The following TMPRSS15 variants were observed in gnomAD, a reference collection of about 807,000 sequenced individuals.
The protein encoded by TMPRSS15 is transmembrane serine protease 15.
TMPRSS15 carries 128 observed loss-of-function variants against 125.3 expected under a neutral mutation model. The observed-to-expected ratio is 1.02, with a 90% CI of 0.89 to 1.18. TMPRSS15 has a LOEUF of 1.18. Among genes scored for constraint, TMPRSS15 ranks in the 50% most tolerant of loss-of-function variants. The pLI is 0.00. For synonymous variants in TMPRSS15, 446 were observed against 423.2 expected (o/e 1.05, Z -0.66); for missense variants, 1,283 against 1,212.7 (o/e 1.06, Z -0.86).
Position 18,383,669 on chromosome 21 carries a change from G to C in TMPRSS15, c.454C>G (p.Leu152Val). 6.2e-7 allele frequency: 1 copy of C among 1,613,974 alleles called. No individual in the cohort carries two copies. Among genetic ancestry groups the C allele is most frequent in the Non-Finnish European group, 8.5e-7 (1 of 1,179,948 alleles). ...TTCAAATCAATATGGAAAGTGACCAGTTGGCTGGATTTATTTGCTTCAAGG... is the reference window on the plus strand; with the variant it reads ...TTCAAATCAATATGGAAAGTGACCACTTGGCTGGATTTATTTGCTTCAAGG... ...QGLEANKSSQ[L>V]VTFHIDLNSV... Residue 152 changes from leucine (L) to valine (V), a missense_variant, in exon 4 of 25, where the codon CTG becomes GTG. Transcript: ENST00000284885.
intron 1 of TMPRSS15, among the ~76,000 whole-genome samples, chr21:18,471,027 G>C (rs1324241055): frequency 1.3e-5 from 2 of 151,850 alleles, no homozygotes. Context: ...ACCCATGATA[G>C]TTGATATATG....
At chr21:18,330,133 C>G (rs1237767784) in intron 14 of TMPRSS15, among the ~76,000 whole-genome samples, 1 of 152,272 alleles carries the variant, frequency 6.6e-6, no homozygotes, top group East Asian at 1.9e-4. Context: ...GAAACCTCAG[C>G]ACCTTCCTTG....
rs201980318 is a variant in TMPRSS15, at chr21:18,323,594, TTG to T, written c.1921+2836_1921+2837del. Among the ~76,000 whole-genome samples, 993 of 152,280 alleles carry T rather than the reference TTG, an allele frequency of 6.5e-3. 17 individuals are homozygous for T. The highest frequency in any genetic ancestry group is 0.022 in the African/African-American group (922 of 41,572). On this transcript the variant is annotated intron_variant, in intron 16 of 24. Transcript: ENST00000284885. Reference sequence around the variant, plus strand: ...ACCAAATCACCTATAATTATTTCAATTGTTTGGATACCTCAATAAATCTAATC... The same window carrying T: ...ACCAAATCACCTATAATTATTTCAATTTTGGATACCTCAATAAATCTAATC...
intron 18 of TMPRSS15, among the ~76,000 whole-genome samples, chr21:18,298,274 T>C (rs2074929305): frequency 6.6e-6 from 1 of 152,246 alleles, no homozygotes; most frequent in Non-Finnish European, 1.5e-5. Flanking sequence ...GGCTCATCTT[T>C]TTAAAAGTGC....
At chr21:18,367,575 A>G (rs1156986353) in intron 6 of TMPRSS15, among the ~76,000 whole-genome samples, 1 of 152,186 alleles carries the variant, frequency 6.6e-6, no homozygotes, top group Non-Finnish European at 1.5e-5. Flanking sequence ...CATGGACTCA[A>G]AGATTGTAGA....
At chr21:18,380,709 T>C (rs2075885413) in intron 4 of TMPRSS15, 8 of 366,010 alleles carry the variant, frequency 2.2e-5, no homozygotes, top group South Asian at 1.3e-4. Context: ...TTTTATCCTC[T>C]GCCATGCTAA....
At chr21:18,351,593 T>A (rs2075570051) in intron 10 of TMPRSS15, among the ~76,000 whole-genome samples, 1 of 152,188 alleles carries the variant, frequency 6.6e-6, no homozygotes, top group Admixed American at 6.5e-5. Context: ...ACGTAAGACG[T>A]GTCTGCTTTG....
chr21:18,304,940 A>T (rs2075014164), intron 18 of TMPRSS15, among the ~76,000 whole-genome samples: 1 of 152,188 alleles, frequency 6.6e-6, no homozygotes, highest in South Asian at 2.1e-4. Context: ...CATATTAAAA[A>T]GTGTAAGCCG....
intron 18 of TMPRSS15, among the ~76,000 whole-genome samples, chr21:18,304,232 C>T (rs2075005568): frequency 6.6e-6 from 1 of 152,084 alleles, no homozygotes; most frequent in Admixed American, 6.6e-5. Context: ...GGTGTTTAAA[C>T]CTGGTACGGT....
At chr21:18,282,237 T>C (rs1286461290) in intron 21 of TMPRSS15, among the ~76,000 whole-genome samples, 3 of 152,034 alleles carry the variant, frequency 2.0e-5, no homozygotes, top group Non-Finnish European at 4.4e-5. Context: ...ACTTGTGTTG[T>C]AGAACAGATT....
intron 16 of TMPRSS15, among the ~76,000 whole-genome samples, chr21:18,321,824 G>T (rs1206350654): frequency 6.6e-6 from 1 of 152,112 alleles, no homozygotes; most frequent in Non-Finnish European, 1.5e-5. Flanking sequence ...CTCGACGGAA[G>T]CAGACGGTGC....
intron 1 of TMPRSS15, among the ~76,000 whole-genome samples, chr21:18,458,225 A>C (rs1978480015): frequency 6.6e-6 from 1 of 152,172 alleles, no homozygotes; most frequent in Non-Finnish European, 1.5e-5. Context: ...TTGTGCATGA[A>C]TGAAAAAAAT....
intron 18 of TMPRSS15, among the ~76,000 whole-genome samples, chr21:18,298,417 T>G (rs1177235691): frequency 1.3e-5 from 2 of 152,218 alleles, no homozygotes; most frequent in East Asian, 1.9e-4. Flanking sequence ...GGAGAGACTA[T>G]GCAGCTTTGG....
rs191303959 is a variant in TMPRSS15 at position 18,471,128 on chromosome 21, A to T, written c.10+14671T>A. ...GGACTCATTTTTTCTTGCCAAAGGCAGAAATTTGGGGTTTCAACAGAACTG... is the reference window on the plus strand; with the variant it reads ...GGACTCATTTTTTCTTGCCAAAGGCTGAAATTTGGGGTTTCAACAGAACTG... On this transcript the variant is annotated intron_variant, in intron 1 of 7. Transcript: ENST00000422787. Among the ~76,000 whole-genome samples the T allele has an allele frequency of 8.3e-4, 127 of 152,208 alleles. 1 individual carries two copies. The highest frequency in any genetic ancestry group is 3.1e-3 in the Admixed American group (47 of 15,244).
chr21:18,337,467 G>A lies in TMPRSS15; in HGVS notation c.1564+3946C>T, dbSNP rs113864297. ...TGTTTTAAATTGGCTTGATCATCAC[G>A]TAATGGAATGTTTATTCTCTTAAAG... On this transcript the variant is annotated intron_variant, in intron 13 of 24. Coordinates refer to ENST00000284885, the MANE Select transcript of TMPRSS15 (RefSeq NM_002772.3). Among the ~76,000 whole-genome samples the A allele has an allele frequency of 2.0e-5, 3 of 152,150 alleles. No homozygotes were observed. In the South Asian group the frequency reaches 6.2e-4, roughly 32 times the overall value.
intron 18 of TMPRSS15, among the ~76,000 whole-genome samples, chr21:18,301,662 A>G (rs1402148066): frequency 6.6e-6 from 1 of 152,178 alleles, no homozygotes; most frequent in East Asian, 1.9e-4. Flanking sequence ...AATGTTCCAT[A>G]TTTGCAGATT....
chr21:18,386,340 C>G (rs1318227241), intron 3 of TMPRSS15, among the ~76,000 whole-genome samples: 2 of 152,118 alleles, frequency 1.3e-5, no homozygotes, highest in Admixed American at 6.5e-5. Context: ...CCCATCCCCC[C>G]ACACTCAACA....
chr21:18,372,864 C>T (rs2075806396), intron 5 of TMPRSS15, among the ~76,000 whole-genome samples: 1 of 152,320 alleles, frequency 6.6e-6, no homozygotes, highest in Admixed American at 6.5e-5. Flanking sequence ...CCTTCACTTG[C>T]CCCACTTTCA....
At chr21:18,292,533 T>A (rs1185457320) in intron 21 of TMPRSS15, among the ~76,000 whole-genome samples, 1 of 152,216 alleles carries the variant, frequency 6.6e-6, no homozygotes, top group African/African-American at 2.4e-5. Flanking sequence ...ATTAACCTAT[T>A]AGAAGTACAT....
Sources: gnomAD v4.1 joint callset for allele counts (sites outside exome capture counted in the v4.1 genomes callset) on GRCh38, gnomAD v4.1.1 for gene constraint, MANE v1.5 for transcripts, NCBI Gene and HGNC (gene_info 2026-07-23, HGNC 2026-07-21) for gene names.